TEP1: variants seen among roughly 807,000 people sequenced by gnomAD.
TEP1 encodes the protein telomerase protein component 1.
Under a neutral mutation model 306.3 loss-of-function variants are expected in TEP1, and 241 were observed. That is an observed-to-expected ratio of 0.79 (90% CI 0.71 to 0.88). The LOEUF is 0.88. Among genes scored for constraint, TEP1 ranks in the 40% least tolerant of loss-of-function variants. The probability of loss-of-function intolerance (pLI) is 0.00; values close to 1 mark genes in which losing one functional copy is unlikely to be tolerated. For missense variants in TEP1, 3,051 were observed against 3,276.1 expected, an observed-to-expected ratio of 0.93 and a Z score of 1.68; for synonymous variants, 1,289 against 1,305.5, an observed-to-expected ratio of 0.99 and a Z score of 0.27.
chr14:20,409,295 T>C (rs1171324192), intron 1 of TEP1, among the ~76,000 whole-genome samples: 2 of 152,362 alleles, frequency 1.3e-5, no homozygotes, highest in East Asian at 3.8e-4. Context: ...TGACTAGATC[T>C]TCTGAGGGAT....
intron 9 of TEP1, among the ~76,000 whole-genome samples, chr14:20,399,927 C>T (rs1315156477): frequency 1.3e-5 from 2 of 151,638 alleles, no homozygotes; most frequent in African/African-American, 4.8e-5. Flanking sequence ...TTTGGGAGGC[C>T]GAGGCGAGTG....
chr14:20,371,330 G>A lies in TEP1; in HGVS notation c.7221-16C>T. Reference sequence around the variant, plus strand: ...ATAGCTGCTCCTGGTTTGTGAGAAAGGAATAGGTTGAGCTCAGGATTTAAA... The same window carrying A: ...ATAGCTGCTCCTGGTTTGTGAGAAAAGAATAGGTTGAGCTCAGGATTTAAA... On this transcript the variant is annotated splice_polypyrimidine_tract_variant and intron_variant, in intron 50 of 54. Coordinates refer to ENST00000262715, the MANE Select transcript of TEP1 (RefSeq NM_007110.5). 6 of 1,611,114 alleles carry A rather than the reference G, an allele frequency of 3.7e-6. No individual in the cohort carries two copies. Among genetic ancestry groups the A allele is most frequent in the Non-Finnish European group, 5.1e-6 (6 of 1,177,236 alleles).
chr14:20,390,224 G>C (rs559665750), intron 15 of TEP1, among the ~76,000 whole-genome samples: 1 of 152,040 alleles, frequency 6.6e-6, no homozygotes, highest in South Asian at 2.1e-4. Context: ...GTGAGACCCT[G>C]TCTCAAAAAA....
chr14:20,379,600 A>T (rs1885408093), intron 35 of TEP1, among the ~76,000 whole-genome samples: 1 of 152,130 alleles, frequency 6.6e-6, no homozygotes, highest in South Asian at 2.1e-4. Flanking sequence ...CAACTCACTC[A>T]TGTCTTAATT....
At position 20,378,803 on chromosome 14, in the gene TEP1, C is replaced by T. The variant is rs745308885; in HGVS notation, c.5303G>A (p.Ser1768Asn). ...HQYQITGCCL[S>N]PDCRLLATVC... ...GGTGGCTAGCAGCCGGCAGTCTGGGCTCAGGCAGCAGCCAGTGATTTGGTA... is the reference window on the plus strand; with the variant it reads ...GGTGGCTAGCAGCCGGCAGTCTGGGTTCAGGCAGCAGCCAGTGATTTGGTA... The change falls in exon 37 of 55, where the codon AGC becomes AAC. Residue 1768 changes from serine (S) to asparagine (N), a missense_variant. Around this residue, in one of 3 missense-constraint regions of TEP1, gnomAD observed 1,540 missense variants for 1,705.9 expected, o/e 0.90. Transcript: ENST00000262715. 3.1e-6 allele frequency: 5 copies of T among 1,614,234 alleles called. No homozygotes were observed. Among genetic ancestry groups the T allele is most frequent in the Admixed American group, 1.7e-5 (1 of 60,026 alleles).
In TEP1 at chr14:20,382,914, T is replaced by C. The variant is rs186180641; in HGVS notation, c.4048-199A>G. 9.0e-4 allele frequency among the ~76,000 whole-genome samples: 137 copies of C among 152,322 alleles called. 1 individual carries two copies. Among genetic ancestry groups the C allele is most frequent in the African/African-American group, 3.3e-3 (136 of 41,576 alleles). On this transcript the variant is annotated intron_variant, in intron 27 of 54. Transcript: ENST00000262715. ...AGCCAGCCCTGCCAGAAAACCCCTG[T>C]GGCTCGGCCTACCCCACCAAAAACC...
intron 49 of TEP1, 98 bp downstream of exon 49, chr14:20,372,635 T>C: frequency 1.3e-6 from 2 of 1,548,036 alleles, no homozygotes; most frequent in Non-Finnish European, 1.8e-6. Flanking sequence ...TAACATCCAA[T>C]TGACCTAGTT....
Position 20,377,621 on chromosome 14 carries a change from T to C in TEP1, c.5854A>G (p.Arg1952Gly). Reference sequence around the variant, plus strand: ...GTACCTGAAGAGATTTTGTAGATCCTAATGCCATCCGCTCGATATCCAACA... The same window carrying C: ...GTACCTGAAGAGATTTTGTAGATCCCAATGCCATCCGCTCGATATCCAACA... ...VAVGYRADGIRIYKISSGSQG... is the reference protein window; with the variant it reads ...VAVGYRADGIGIYKISSGSQG... Residue 1952 changes from arginine (R) to glycine (G), a missense_variant, in exon 40 of 55, where the codon AGG (arginine) becomes GGG (glycine). By Grantham distance (125) the Arg-to-Gly change is moderately radical (BLOSUM62 -2). Coordinates refer to ENST00000262715, the MANE Select transcript of TEP1 (RefSeq NM_007110.5). 2 of 1,614,122 alleles carry C rather than the reference T, an allele frequency of 1.2e-6. No homozygotes were observed. The highest frequency in any genetic ancestry group is 2.2e-5 in the South Asian group (2 of 91,074).
chr14:20,401,452 C>T lies in TEP1; in HGVS notation c.1391+5G>A. On this transcript the variant is annotated splice_donor_5th_base_variant and intron_variant, in intron 8 of 54. Transcript: ENST00000262715. ...GGAATGCATGCTCAGGGTGCAGCTT[C>T]TCACCTGTAACCCAGCAGGGCTTGA... 3.1e-6 allele frequency: 5 copies of T among 1,613,842 alleles called. No homozygotes were observed. Among genetic ancestry groups the T allele is most frequent in the Non-Finnish European group, 4.2e-6 (5 of 1,179,922 alleles).
rs1879023505 is a variant in TEP1 at position 20,404,601 on chromosome 14, A to T, written c.1032+10T>A. ...GTGAAGGCCCAAGCTCAGGGAAATG[A>T]GCACCATACCTGGTAAAGCTCAGCC... On this transcript the variant is annotated intron_variant, in intron 5 of 54. Transcript: ENST00000262715. 1.2e-6 allele frequency: 2 copies of T among 1,608,134 alleles called. No individual in the cohort carries two copies. The highest frequency in any genetic ancestry group is 1.7e-6 in the Non-Finnish European group (2 of 1,177,020).
chr14:20,387,821 C>A, intron 18 of TEP1, 84 bp downstream of exon 18: 3 of 1,493,896 alleles, frequency 2.0e-6, no homozygotes, highest in Non-Finnish European at 1.8e-6. Flanking sequence ...CGGCACCTCA[C>A]CAGCTAGAAT....
intron 29 of TEP1, 76 bp downstream of exon 29, chr14:20,382,148 G>T (rs1407447084): frequency 6.2e-7 from 1 of 1,612,020 alleles, no homozygotes; most frequent in Non-Finnish European, 8.5e-7. Context: ...TGAACTGCCT[G>T]CTGAGACCCC....
rs1884507419 is a variant in TEP1 at position 20,367,058 on chromosome 14, G to A, written c.*1379C>T. On this transcript the variant is annotated 3_prime_UTR_variant, in exon 55 of 55. Coordinates refer to ENST00000262715, the MANE Select transcript of TEP1 (RefSeq NM_007110.5). ...GATTCTTCCATATGATTGAATTTTA[G>A]AAATATAATAAAGTTCTTTTATGGG... The A allele has an allele frequency of 6.6e-6, 1 of 152,180 alleles. No individual in the cohort carries two copies. Among genetic ancestry groups the A allele is most frequent in the Admixed American group, 6.5e-5 (1 of 15,278 alleles). The allele number at this position is 152,180 out of a possible 1,614,324, so 9.4% of individuals were successfully genotyped here.
chr14:20,382,103 C>A (rs536448705), intron 29 of TEP1, 40 bp from the exon 30 acceptor site: 5 of 1,611,492 alleles, frequency 3.1e-6, no homozygotes, highest in Non-Finnish European at 4.2e-6. Flanking sequence ...TCTAACCATA[C>A]GGTGTCCCCG....
At chr14:20,410,446 A>G (rs866862722) in intron 1 of TEP1, among the ~76,000 whole-genome samples, 20 of 151,980 alleles carry the variant, frequency 1.3e-4, no homozygotes, top group African/African-American at 4.6e-4. Flanking sequence ...TTTTTGAGAC[A>G]GAGTCTTGCT....
intron 46 of TEP1, 37 bp from the exon 47 acceptor site, chr14:20,373,439 G>T (rs946807447): frequency 6.2e-7 from 1 of 1,613,864 alleles, no homozygotes. Context: ...CATGAGAGTG[G>T]GCACAACAGA....
chr14:20,373,132 G>A lies in TEP1; in HGVS notation c.6830C>T (p.Pro2277Leu). ...AGCAGTGACGGCTGCAGAACTCCTT[G>A]GTATACATGTGTCATCTGGAGGAGA... ...VPKEADDTCIPRSSAAVTAVA... is the reference protein window; with the variant it reads ...VPKEADDTCILRSSAAVTAVA... Residue 2277 changes from proline to leucine, a missense_variant, in exon 48 of 55, where the codon CCA becomes CTA. By Grantham distance (98) the Pro-to-Leu change is moderately conservative. Around this residue, in one of 3 missense-constraint regions of TEP1, gnomAD observed 1,540 missense variants for 1,705.9 expected, o/e 0.90. Coordinates refer to ENST00000262715, the MANE Select transcript of TEP1 (RefSeq NM_007110.5). The A allele has an allele frequency of 2.5e-6, 4 of 1,614,196 alleles. No homozygotes were observed. Among genetic ancestry groups the A allele is most frequent in the Non-Finnish European group, 3.4e-6 (4 of 1,180,038 alleles).
At chr14:20,394,831 A>G (rs1417653234) in intron 12 of TEP1, among the ~76,000 whole-genome samples, 7 of 152,138 alleles carry the variant, frequency 4.6e-5, no homozygotes, top group Non-Finnish European at 1.0e-4. Context: ...TCAGCTACTG[A>G]TTCAGGAGAT....
chr14:20,368,372 T>A lies in TEP1; in HGVS notation c.*65A>T. 1 of 1,535,702 alleles carries A rather than the reference T, an allele frequency of 6.5e-7. No individual in the cohort carries two copies. Among genetic ancestry groups the A allele is most frequent in the Non-Finnish European group, 8.9e-7 (1 of 1,127,410 alleles). Reference sequence around the variant, plus strand: ...TATTAATTTTATAATTATTAAAAGCTACCAGTGTCTTCAGGCTTTGCATCT... The same window carrying A: ...TATTAATTTTATAATTATTAAAAGCAACCAGTGTCTTCAGGCTTTGCATCT... On this transcript the variant is annotated 3_prime_UTR_variant, in exon 55 of 55. Transcript: ENST00000262715.
Sources: allele counts gnomAD v4.1 joint callset (sites outside exome capture counted in the v4.1 genomes callset), GRCh38; gene constraint gnomAD v4.1.1; regional missense constraint gnomAD v4.1.1; transcripts MANE v1.5; gene names NCBI Gene and HGNC (gene_info 2026-07-23, HGNC 2026-07-21).